RYR1: variants seen among roughly 807,000 people sequenced by gnomAD.
RYR1 encodes central core disease of muscle.
Under a neutral mutation model 583.5 loss-of-function variants are expected in RYR1, and 342 were observed. The observed-to-expected ratio is 0.59, with a 90% CI of 0.54 to 0.64. The LOEUF is 0.64. RYR1 is among the 30% of genes least tolerant of loss of function. The pLI is 0.00. For missense variants in RYR1, 6,032 were observed against 6,917.2 expected (o/e 0.87, Z 4.54); for synonymous variants, 2,791 against 2,822.5 (o/e 0.99, Z 0.35).
intron 37 of RYR1, among the ~76,000 whole-genome samples, chr19:38,491,853 T>G (rs1220123039): frequency 6.6e-6 from 1 of 152,194 alleles, no homozygotes; most frequent in Non-Finnish European, 1.5e-5. Context: ...TAATAATTTT[T>G]TATTTCAGTT....
At chr19:38,525,606 G>T in intron 71 of RYR1, 104 bp downstream of exon 71, 2 of 1,264,042 alleles carry the variant, frequency 1.6e-6, no homozygotes, top group Non-Finnish European at 2.3e-6. Flanking sequence ...AGCCCCCCAG[G>T]TCCCTGGGAG....
At chr19:38,456,473 G>C (rs1412628932) in intron 16 of RYR1, among the ~76,000 whole-genome samples, 3 of 151,412 alleles carry the variant, frequency 2.0e-5, no homozygotes, top group Admixed American at 6.6e-5. Flanking sequence ...GTAGAGACAG[G>C]GTTTCACCAT....
rs975740396 is a variant in RYR1 at position 38,568,047 on chromosome 19, G to A, written c.13659+130G>A. ...CGTCTCTAAGAAGAACCCTAGCTGG[G>A]GAAAGGGCAGAGGTATCCCCAGACC... On this transcript the variant is annotated intron_variant, in intron 93 of 105. Coordinates refer to ENST00000359596, the MANE Select transcript of RYR1 (RefSeq NM_000540.3). 23 of 1,112,164 alleles carry A rather than the reference G, an allele frequency of 2.1e-5. No individual in the cohort carries two copies. The African/African-American group carries it at 3.2e-4, about 16-fold the overall frequency. 68.9% of individuals were successfully genotyped at this position (1,112,164 alleles called of 1,614,324 possible).
intron 31 of RYR1, among the ~76,000 whole-genome samples, chr19:38,480,024 C>G (rs1968931143): frequency 1.3e-5 from 2 of 151,568 alleles, no homozygotes; most frequent in East Asian, 3.9e-4. Flanking sequence ...CTGGCTAAAG[C>G]TTTATGTTAA....
Position 38,496,784 on chromosome 19 carries a change from G to A in RYR1, c.6797-76G>A. 2.1e-6 allele frequency: 3 copies of A among 1,399,190 alleles called. No individual in the cohort carries two copies. The South Asian group carries it at 3.5e-5, about 16-fold the overall frequency. 86.7% of individuals were successfully genotyped at this position (1,399,190 alleles called of 1,614,324 possible). On this transcript the variant is annotated intron_variant, in intron 41 of 105. Transcript: ENST00000359596. This position sits in a 1 kb window ranked among gnomAD's most constrained non-coding sequence, Gnocchi z 4.8. ...GGCACCTGATCCAGGCTGGAAAAAG[G>A]GTGGTCAGGGAGGGCTTCCCAGAGG...
Position 38,496,905 on chromosome 19 carries a change from T to C in RYR1, c.6842T>C (p.Ile2281Thr), listed in dbSNP as rs1230617762. 1.2e-6 allele frequency: 2 copies of C among 1,613,562 alleles called. No individual in the cohort carries two copies. Among genetic ancestry groups the C allele is most frequent in the East Asian group, 2.2e-5 (1 of 44,870 alleles). Residue 2281 changes from isoleucine to threonine, a missense_variant, in exon 42 of 106, where the codon ATT (isoleucine) becomes ACT (threonine). By Grantham distance (89) the Ile-to-Thr change is moderately conservative. This residue lies in a region of RYR1 where 2,627 missense variants were observed against 2,961.3 expected (regional missense o/e 0.89). Coordinates refer to ENST00000359596, the MANE Select transcript of RYR1 (RefSeq NM_000540.3). The surrounding 1 kb of genome is among the most constrained non-coding windows in gnomAD (Gnocchi z 4.8). ...CTGGACGTGGCTGCTGCCTCCGTCA[T>C]TGACAACAATGAGCTGGCCTTGGCA... ...TPLDVAAASV[I>T]DNNELALALQ...
intron 94 of RYR1, among the ~76,000 whole-genome samples, chr19:38,571,778 C>T (rs1332302499): frequency 6.6e-6 from 1 of 152,210 alleles, no homozygotes; most frequent in Non-Finnish European, 1.5e-5. Flanking sequence ...CTTTAGGGCT[C>T]CACTATCAAG....
At position 38,463,756 on chromosome 19, in the gene RYR1, G is replaced by A. The variant is rs1380359290; in HGVS notation, c.2692G>A (p.Asp898Asn). ...QGWTYGPVRD[D>N]NKRLHPCLVD... ...CCTGGGTTTTCTCCAGGTTCGGGAT[G>A]ACAACAAGAGGCTGCACCCGTGTCT... Residue 898 changes from aspartate (D) to asparagine (N), a missense_variant, in exon 22 of 106, where the codon GAC becomes AAC. Physicochemically the swap from Asp to Asn is conservative, Grantham distance 23. Coordinates refer to ENST00000359596, the MANE Select transcript of RYR1 (RefSeq NM_000540.3). 2.5e-6 allele frequency: 4 copies of A among 1,614,142 alleles called. No homozygotes were observed. Among genetic ancestry groups the A allele is most frequent in the Non-Finnish European group, 3.4e-6 (4 of 1,180,020 alleles).
Position 38,565,863 on chromosome 19 carries a change from G to T in RYR1, c.13437+92G>T. The T allele has an allele frequency of 7.6e-7, 1 of 1,311,514 alleles. No individual in the cohort carries two copies. The highest frequency in any genetic ancestry group is 2.0e-5 in the South Asian group (1 of 49,514). The allele number at this position is 1,311,514 out of a possible 1,614,324, so 81.2% of individuals were successfully genotyped here. Reference sequence around the variant, plus strand: ...GCTGGGTGGAGACACACACAGAGGAGAGAACTGGCTAGGGGGATGGGCACA... The same window carrying T: ...GCTGGGTGGAGACACACACAGAGGATAGAACTGGCTAGGGGGATGGGCACA... On this transcript the variant is annotated intron_variant, in intron 91 of 105. Coordinates refer to ENST00000359596, the MANE Select transcript of RYR1 (RefSeq NM_000540.3). This position sits in a 1 kb window ranked among gnomAD's most constrained non-coding sequence, Gnocchi z 4.7.
At chr19:38,568,295 ACTCC>A (rs1973540419) in intron 93 of RYR1, among the ~76,000 whole-genome samples, 1 of 151,030 alleles carries the variant, frequency 6.6e-6, no homozygotes, top group Non-Finnish European at 1.5e-5. Flanking sequence ...TCCCTCCACC[ACTCC>A]CAGTGCTGCT....
chr19:38,506,972 C>G lies in RYR1; in HGVS notation c.8816+20C>G, dbSNP rs762126782. The G allele has an allele frequency of 4.2e-5, 67 of 1,611,908 alleles. No homozygotes were observed. The highest frequency in any genetic ancestry group is 6.7e-5 in the Admixed American group (4 of 59,982). On this transcript the variant is annotated intron_variant, in intron 57 of 105. Transcript: ENST00000359596. The stretch of plus-strand genomic sequence containing the variant: ...TACAAGGCACGCGGGTTGGGGCTCC[C>G]GCGGAAGAGCAGCAGGCAGAACACA...
Position 38,505,507 on chromosome 19 carries a change from G to T in RYR1, c.8400+109G>T, listed in dbSNP as rs1386251875. 7.0e-6 allele frequency: 6 copies of T among 854,924 alleles called. No homozygotes were observed. The African/African-American group carries it at 1.0e-4, about 14-fold the overall frequency. 53.0% of individuals were successfully genotyped at this position (854,924 alleles called of 1,614,324 possible). ...CATGTTTGCATCTAGGTGGATCTGT[G>T]GGTTAGGTCTCCCCATTCATGGACT... On this transcript the variant is annotated intron_variant, in intron 53 of 105. Coordinates refer to ENST00000359596, the MANE Select transcript of RYR1 (RefSeq NM_000540.3).
chr19:38,507,006 A>C, intron 57 of RYR1, 54 bp downstream of exon 57: 2 of 1,611,056 alleles, frequency 1.2e-6, no homozygotes, highest in Non-Finnish European at 1.7e-6. Flanking sequence ...CACCCGGCAA[A>C]GGCTGGAAGG....
intron 82 of RYR1, 70 bp from the exon 83 acceptor site, chr19:38,536,680 T>C (rs954762404): frequency 9.6e-6 from 15 of 1,565,958 alleles, no homozygotes; most frequent in Non-Finnish European, 1.3e-5. Context: ...TGTGTGTGTT[T>C]GCGGTCTGTC....
chr19:38,505,236 C>A, intron 52 of RYR1, 73 bp from the exon 53 acceptor site: 1 of 1,219,378 alleles, frequency 8.2e-7, no homozygotes, highest in Non-Finnish European at 1.2e-6. Context: ...TCTCTGTCCT[C>A]GGCTCCTCCA....
rs377583365 is a variant in RYR1 at position 38,502,867 on chromosome 19, C to G, written c.7836-13C>G. ...TGGACGGGGGATTCTACATCTTGTG[C>G]ATTGTCCCGCAGGTACATCCGCCCG... is the stretch of plus-strand genomic sequence containing the variant. On this transcript the variant is annotated splice_polypyrimidine_tract_variant and intron_variant, in intron 48 of 105. Coordinates refer to ENST00000359596, the MANE Select transcript of RYR1 (RefSeq NM_000540.3). 6.2e-7 allele frequency: 1 copy of G among 1,608,798 alleles called. No homozygotes were observed. The highest frequency in any genetic ancestry group is 1.1e-5 in the South Asian group (1 of 90,958).
chr19:38,434,118 T>C (rs1972319528), intron 1 of RYR1, among the ~76,000 whole-genome samples: 1 of 152,098 alleles, frequency 6.6e-6, no homozygotes. Context: ...TCTTCTGACT[T>C]TAGCGATTTG....
chr19:38,580,010 T>C lies in RYR1; in HGVS notation c.14393T>C (p.Val4798Ala), dbSNP rs758252507. The change falls in exon 100 of 106, where the codon GTG becomes GCG. Residue 4798 changes from valine to alanine, a missense_variant. Physicochemically the swap from Val to Ala is moderately conservative, Grantham distance 64. Around this residue, in one of 11 missense-constraint regions of RYR1, gnomAD observed 189 missense variants for 350.3 expected, o/e 0.54. Transcript: ENST00000359596. ...NSFLYLGWYM[V>A]MSLLGHYNNF... ...TTCCTGTACCTGGGCTGGTATATGG[T>C]GATGTCCCTCTTGGGACACTACAAC... 1.2e-6 allele frequency: 2 copies of C among 1,614,120 alleles called. No individual in the cohort carries two copies. Among genetic ancestry groups the C allele is most frequent in the Non-Finnish European group, 1.7e-6 (2 of 1,180,014 alleles).
intron 89 of RYR1, among the ~76,000 whole-genome samples, chr19:38,548,996 A>G (rs981678722): frequency 6.6e-6 from 1 of 152,192 alleles, no homozygotes; most frequent in Non-Finnish European, 1.5e-5. Context: ...CAGTTATTCC[A>G]TCAATAAACA....
Sources: allele counts gnomAD v4.1 joint callset (sites outside exome capture counted in the v4.1 genomes callset), GRCh38; gene constraint gnomAD v4.1.1; regional missense constraint gnomAD v4.1.1; non-coding constraint Gnocchi (gnomAD v3.1); transcripts MANE v1.5; gene names NCBI Gene and HGNC (gene_info 2026-07-23, HGNC 2026-07-21).